The following HDGFL3 variants were observed in gnomAD, a reference collection of about 807,000 sequenced individuals.
The protein encoded by HDGFL3 is HDGF like 3, also known as hepatoma-derived growth factor-related protein 3.
HDGFL3 carries 6 observed loss-of-function variants against 27.6 expected under a neutral mutation model. The ratio of observed to expected loss-of-function variants is 0.22; its 90% CI spans 0.12 to 0.43. The LOEUF is 0.43. Among genes scored for constraint, HDGFL3 ranks in the 20% least tolerant of loss-of-function variants. HDGFL3 has a pLI of 1.00. For synonymous variants in HDGFL3, 88 were observed against 88.9 expected (o/e 0.99, Z 0.05); for missense variants, 207 against 250.1 (o/e 0.83, Z 1.16).
At chr15:83,149,462 A>G (rs967162697) in intron 5 of HDGFL3, among the ~76,000 whole-genome samples, 3 of 152,208 alleles carry the variant, frequency 2.0e-5, no homozygotes, top group Non-Finnish European at 2.9e-5. Context: ...TGAAGGAAGG[A>G]GCTCTAGAAA....
At chr15:83,122,903 C>A, downstream of HDGFL3, 1 of 1,612,298 alleles carries the variant, frequency 6.2e-7, no homozygotes, top group Non-Finnish European at 8.5e-7. Flanking sequence ...CTTTGATGTA[C>A]CCTGTTCTCA....
Position 83,137,803 on chromosome 15 carries a change from T to A in HDGFL3, c.*1467A>T, listed in dbSNP as rs1434756528. The stretch of plus-strand genomic sequence containing the variant: ...AACGGCCCTAGGCTTTTAGGTCTGC[T>A]CACATTTTCTCATGTTTTTATTAGC... On this transcript the variant is annotated 3_prime_UTR_variant, in exon 6 of 6. Transcript: ENST00000299633. 6.6e-6 allele frequency: 1 copy of A among 152,126 alleles called. No individual in the cohort carries two copies. Among genetic ancestry groups the A allele is most frequent in the African/African-American group, 2.4e-5 (1 of 41,444 alleles). 9.4% of individuals were successfully genotyped at this position (152,126 alleles called of 1,614,324 possible).
At chr15:83,184,645 T>G (rs1846731013) in intron 1 of HDGFL3, 1 of 152,210 alleles carries the variant, frequency 6.6e-6, no homozygotes, top group South Asian at 2.1e-4. Flanking sequence ...TCTTCTCTAC[T>G]AGGTTCCACT....
At chr15:83,119,618 G>A (rs781013701) in intron 3 of HDGFL3, 3 of 1,614,198 alleles carry the variant, frequency 1.9e-6, no homozygotes, top group African/African-American at 1.3e-5. Context: ...CACATGATCT[G>A]CTACTGGGAT....
In HDGFL3 at chr15:83,136,904, A is replaced by C; in HGVS notation, c.*2366T>G. 1 of 335,892 alleles carries C rather than the reference A, an allele frequency of 3.0e-6. No individual in the cohort carries two copies. The highest frequency in any genetic ancestry group is 5.4e-6 in the Non-Finnish European group (1 of 184,868). The allele number at this position is 335,892 out of a possible 1,614,324, so 20.8% of individuals were successfully genotyped here. On this transcript the variant is annotated 3_prime_UTR_variant, in exon 6 of 6. Coordinates refer to ENST00000299633, the MANE Select transcript of HDGFL3 (RefSeq NM_016073.4). ...AATATATTCAAAATCATTTGTGAAT[A>C]AACTTGATCATCCATCTCAATATTG...
At chr15:83,188,847 C>G (rs1026456152) in intron 1 of HDGFL3, among the ~76,000 whole-genome samples, 3 of 152,146 alleles carry the variant, frequency 2.0e-5, no homozygotes, top group African/African-American at 7.2e-5. Flanking sequence ...CTCATATGAG[C>G]TTCAGACTCA....
intron 3 of HDGFL3, among the ~76,000 whole-genome samples, chr15:83,121,735 T>C (rs1596496070): frequency 1.3e-5 from 2 of 152,254 alleles, no homozygotes; most frequent in African/African-American, 4.8e-5. Context: ...GGTTCTATAG[T>C]ATATCACATG....
In HDGFL3 at chr15:83,182,863, A is replaced by G. The variant is rs1259270241; in HGVS notation, c.85-18788T>C. On this transcript the variant is annotated intron_variant, in intron 1 of 5. Coordinates refer to ENST00000299633, the MANE Select transcript of HDGFL3 (RefSeq NM_016073.4). ...CACTTTAAAATACATAAAAAATAAG[A>G]TAGCTTGATGGATGAACAGAGATTG... Among the ~76,000 whole-genome samples the G allele has an allele frequency of 2.0e-5, 3 of 152,238 alleles. No individual in the cohort carries two copies. The East Asian group carries it at 5.8e-4, about 29-fold the overall frequency.
At chr15:83,124,689 A>G, downstream of HDGFL3, 9 of 1,614,074 alleles carry the variant, frequency 5.6e-6, no homozygotes, top group Non-Finnish European at 6.8e-6. Flanking sequence ...AAGAAGCCCA[A>G]GCGAAAGACC....
At chr15:83,181,767 T>C (rs772635179) in intron 1 of HDGFL3, among the ~76,000 whole-genome samples, 13 of 152,328 alleles carry the variant, frequency 8.5e-5, no homozygotes, top group Admixed American at 4.6e-4. Flanking sequence ...TGAGCCACCA[T>C]GCCTGGCCCT....
chr15:83,139,303 C>T (rs754403880), intron 5 of HDGFL3, 28 bp from the exon 6 acceptor site: 1 of 1,350,084 alleles, frequency 7.4e-7, no homozygotes, highest in Non-Finnish European at 9.9e-7. Context: ...AGAAAGAAAA[C>T]AAGCCTTTAG....
rs1259520255 is a variant in HDGFL3 at position 83,207,499 on chromosome 15, C to T, written c.-85G>A. 9.3e-7 allele frequency: 1 copy of T among 1,070,120 alleles called. No individual in the cohort carries two copies. The highest frequency in any genetic ancestry group is 1.7e-5 in the African/African-American group (1 of 60,568). The allele number at this position is 1,070,120 out of a possible 1,614,324, so 66.3% of individuals were successfully genotyped here. A position where few individuals can be genotyped will look rare whatever the true frequency, so the allele number is the denominator to read the frequency against. On this transcript the variant is annotated 5_prime_UTR_variant, in exon 1 of 6. Transcript: ENST00000299633. This position sits in a 1 kb window ranked among gnomAD's most constrained non-coding sequence, Gnocchi z 4.8. The stretch of plus-strand genomic sequence containing the variant: ...CCCCGCGGGCCGACGAATTGCGCCG[C>T]GCTCCCCGCGGGCCTCAAGCCGGGC...
At chr15:83,206,094 A>C (rs1420213160) in intron 1 of HDGFL3, among the ~76,000 whole-genome samples, 1 of 152,224 alleles carries the variant, frequency 6.6e-6, no homozygotes, top group Admixed American at 6.5e-5. Flanking sequence ...TTCCTGGCCT[A>C]GTGTTCTTTC....
At chr15:83,173,607 C>A (rs539424387) in intron 1 of HDGFL3, among the ~76,000 whole-genome samples, 1 of 152,268 alleles carries the variant, frequency 6.6e-6, no homozygotes, top group Non-Finnish European at 1.5e-5. Context: ...CTCTAGATTT[C>A]ATTTCCAGAT....
chr15:83,122,510 C>T, intron 3 of HDGFL3, among the ~76,000 whole-genome samples: 1 of 152,094 alleles, frequency 6.6e-6, no homozygotes, highest in Admixed American at 6.6e-5. Flanking sequence ...CCCAGGCTGG[C>T]TTGCAGTGGT....
rs1481449617 is a variant in HDGFL3, at chr15:83,134,202, A to C, written c.*5068T>G. On this transcript the variant is annotated 3_prime_UTR_variant, in exon 6 of 6. Coordinates refer to ENST00000299633, the MANE Select transcript of HDGFL3 (RefSeq NM_016073.4). ...CACAGTACCTGCCCAGTGGGCTTAC[A>C]ATCTAATCTAAGGACATGAATCTTT... 2 of 151,934 alleles carry C rather than the reference A, an allele frequency of 1.3e-5. No individual in the cohort carries two copies. Among genetic ancestry groups the C allele is most frequent in the African/African-American group, 4.8e-5 (2 of 41,350 alleles). 9.4% of individuals were successfully genotyped at this position (151,934 alleles called of 1,614,324 possible).
chr15:83,173,065 G>A (rs1315783210), intron 1 of HDGFL3, among the ~76,000 whole-genome samples: 3 of 152,068 alleles, frequency 2.0e-5, no homozygotes, highest in Non-Finnish European at 1.5e-5. Flanking sequence ...GTATTTTGTC[G>A]TAGCAAAACA....
At chr15:83,167,927 A>G (rs1203060765) in intron 1 of HDGFL3, among the ~76,000 whole-genome samples, 1 of 152,228 alleles carries the variant, frequency 6.6e-6, no homozygotes, top group African/African-American at 2.4e-5. Flanking sequence ...AATAAACTAA[A>G]AAATAAAAGA....
intron 1 of HDGFL3, among the ~76,000 whole-genome samples, chr15:83,166,788 G>GA (rs1474580582): frequency 6.6e-6 from 1 of 152,140 alleles, no homozygotes; most frequent in Non-Finnish European, 1.5e-5. Flanking sequence ...GAGGAAGAGA[G>GA]AAAAGGGGGA....
Sources: allele counts gnomAD v4.1 joint callset (sites outside exome capture counted in the v4.1 genomes callset), GRCh38; gene constraint gnomAD v4.1.1; non-coding constraint Gnocchi (gnomAD v3.1); transcripts MANE v1.5; gene names NCBI Gene and HGNC (gene_info 2026-07-23, HGNC 2026-07-21).